The following LRP1B variants were observed in gnomAD, a reference collection of about 807,000 sequenced individuals.
The protein encoded by LRP1B is LDL receptor related protein 1B, also known as low-density lipoprotein receptor-related protein 1B.
A neutral mutation model predicts 556.6 loss-of-function variants in LRP1B; 217 were observed. The observed-to-expected ratio is 0.39, with a 90% CI of 0.35 to 0.44. The LOEUF is 0.44. Among genes scored for constraint, LRP1B ranks in the 20% least tolerant of loss-of-function variants. The pLI, the probability that LRP1B is intolerant of heterozygous loss-of-function variation, is 1.00. For missense variants in LRP1B, 5,053 were observed against 5,620.8 expected (o/e 0.90, Z 3.23); for synonymous variants, 2,047 against 1,865.8 (o/e 1.10, Z -2.50).
At position 141,359,750 on chromosome 2, in the gene LRP1B, C is replaced by T. The variant is rs1416301533; in HGVS notation, c.344-105109G>A. On this transcript the variant is annotated intron_variant, in intron 3 of 90. Coordinates refer to ENST00000389484, the MANE Select transcript of LRP1B (RefSeq NM_018557.3). ...CAGCCTGGGCTATAGAGTGAGAATT[C>T]GGCCCCCGCGCCCCGCCCCGCCCCG... Among the ~76,000 whole-genome samples the T allele has an allele frequency of 2.8e-5, 4 of 142,670 alleles. No homozygotes were observed. The East Asian group carries it at 6.0e-4, about 21-fold the overall frequency. The allele number at this position is 142,670 out of a possible 152,430, so 93.6% of individuals were successfully genotyped here.
chr2:140,523,671 T>C (rs567338075), intron 49 of LRP1B, among the ~76,000 whole-genome samples: 1 of 151,864 alleles, frequency 6.6e-6, no homozygotes, highest in Non-Finnish European at 1.5e-5. Flanking sequence ...ATAATCAAGT[T>C]TAGTGAAGAT....
chr2:140,609,715 A>G (rs1683000265), intron 41 of LRP1B, among the ~76,000 whole-genome samples: 1 of 152,168 alleles, frequency 6.6e-6, no homozygotes. Context: ...TTTATGCCAA[A>G]AACGTATGTT....
rs540226928 is a variant in LRP1B, at chr2:141,147,833, T to G, written c.1013+40588A>C. Among the ~76,000 whole-genome samples the G allele has an allele frequency of 7.2e-5, 11 of 152,338 alleles. No individual in the cohort carries two copies. In the East Asian group the frequency reaches 2.1e-3, roughly 29 times the overall value. ...AACTGCATACACAACAGTGGTCCCA[T>G]AAGTTTATAATACCGTATTTTTCCT... On this transcript the variant is annotated intron_variant, in intron 7 of 90. Transcript: ENST00000389484.
intron 21 of LRP1B, among the ~76,000 whole-genome samples, chr2:140,915,213 T>TA (rs1258031738): frequency 2.0e-5 from 3 of 152,046 alleles, no homozygotes; most frequent in African/African-American, 7.2e-5. Context: ...GAAAAGGTAA[T>TA]AAAATCAAAG....
At chr2:141,272,567 A>G (rs1255227921) in intron 3 of LRP1B, among the ~76,000 whole-genome samples, 1 of 152,210 alleles carries the variant, frequency 6.6e-6, no homozygotes, top group African/African-American at 2.4e-5. Context: ...TGCCATCTAC[A>G]AGAGACATAC....
At chr2:141,766,432 A>T (rs185032972) in intron 2 of LRP1B, among the ~76,000 whole-genome samples, 6 of 152,330 alleles carry the variant, frequency 3.9e-5, no homozygotes, top group Non-Finnish European at 2.9e-5. Flanking sequence ...ATCTTATTAC[A>T]GCTAATGTCC....
At chr2:141,553,685 T>C (rs1435587049) in intron 2 of LRP1B, among the ~76,000 whole-genome samples, 1 of 142,106 alleles carries the variant, frequency 7.0e-6, no homozygotes, top group East Asian at 2.0e-4. Flanking sequence ...ATATATATCA[T>C]ATAGAATATA....
chr2:140,599,450 T>C (rs1682568356), intron 42 of LRP1B, among the ~76,000 whole-genome samples: 1 of 152,094 alleles, frequency 6.6e-6, no homozygotes, highest in Admixed American at 6.6e-5. Flanking sequence ...TTCAGCATAG[T>C]ATCTGTTCTC....
At position 140,834,694 on chromosome 2, in the gene LRP1B, A is replaced by G. The variant is rs552869274; in HGVS notation, c.5209+5297T>C. On this transcript the variant is annotated intron_variant, in intron 31 of 90. Coordinates refer to ENST00000389484, the MANE Select transcript of LRP1B (RefSeq NM_018557.3). ...AACACTTGGAGGAGCCAGAACCAAC[A>G]GAGGAAAGAAGATGAAAATAAACTC... Among the ~76,000 whole-genome samples, 9 of 152,340 alleles carry G rather than the reference A, an allele frequency of 5.9e-5. No individual in the cohort carries two copies. In the East Asian group the frequency reaches 1.5e-3, roughly 26 times the overall value.
chr2:140,654,383 C>T (rs1307628668), intron 41 of LRP1B, among the ~76,000 whole-genome samples: 1 of 151,792 alleles, frequency 6.6e-6, no homozygotes, highest in East Asian at 1.9e-4. Context: ...AGAAATATCT[C>T]GGTATTTAGG....
rs527349861 is a variant in LRP1B at position 140,319,901 on chromosome 2, G to A, written c.12640+2062C>T. On this transcript the variant is annotated intron_variant, in intron 82 of 90. Coordinates refer to ENST00000389484, the MANE Select transcript of LRP1B (RefSeq NM_018557.3). The stretch of plus-strand genomic sequence containing the variant: ...TTCAATAATTGGCACCAAAATGCCC[G>A]TCCAAAATACCAATCATGATTCACA... 1.8e-4 allele frequency among the ~76,000 whole-genome samples: 28 copies of A among 152,146 alleles called. 1 individual carries two copies. Among genetic ancestry groups the A allele is most frequent in the East Asian group, 9.7e-4 (5 of 5,170 alleles).
At position 141,349,858 on chromosome 2, in the gene LRP1B, C is replaced by T. The variant is rs191887597; in HGVS notation, c.344-95217G>A. Among the ~76,000 whole-genome samples the T allele has an allele frequency of 3.9e-5, 6 of 151,948 alleles. No individual in the cohort carries two copies. The East Asian group carries it at 1.2e-3, about 29-fold the overall frequency. ...ATCAAAGAGTATAATAGTCAAGATA[C>T]AGGAAATATAATGGTTGTTGTATTA... On this transcript the variant is annotated intron_variant, in intron 3 of 90. Coordinates refer to ENST00000389484, the MANE Select transcript of LRP1B (RefSeq NM_018557.3).
chr2:141,649,292 G>A (rs1558779943), intron 2 of LRP1B, among the ~76,000 whole-genome samples: 2 of 152,158 alleles, frequency 1.3e-5, no homozygotes, highest in African/African-American at 2.4e-5. Context: ...AGCAGCAGAA[G>A]GCATCATGGT....
chr2:141,906,654 T>C (rs1699768853), intron 1 of LRP1B, among the ~76,000 whole-genome samples: 1 of 152,040 alleles, frequency 6.6e-6, no homozygotes. Context: ...TAACATCACA[T>C]AAACAGCAAA....
chr2:141,730,141 A>G (rs991580568), intron 2 of LRP1B, among the ~76,000 whole-genome samples: 2 of 152,160 alleles, frequency 1.3e-5, no homozygotes, highest in Admixed American at 1.3e-4. Context: ...TGGCTTAGCC[A>G]GTTTTGGCTT....
At chr2:142,113,813 T>C (rs748889919) in intron 1 of LRP1B, among the ~76,000 whole-genome samples, 2 of 152,134 alleles carry the variant, frequency 1.3e-5, no homozygotes, top group Admixed American at 1.3e-4. Context: ...TGATAATTAC[T>C]AGAGCCTCTT....
rs115714486 is a variant in LRP1B at position 141,049,287 on chromosome 2, G to A, written c.1553-65C>T. 8.0e-4 allele frequency: 824 copies of A among 1,033,016 alleles called. 6 individuals are homozygous for A. In the African/African-American group the frequency reaches 0.011, roughly 14 times the overall value. The allele number at this position is 1,033,016 out of a possible 1,614,324, so 64.0% of individuals were successfully genotyped here. ...CTTAATCTTCTTTACACTGCATAAT[G>A]CCACCGTTTAACTGGCACAATTAGC... On this transcript the variant is annotated intron_variant, in intron 10 of 90. Coordinates refer to ENST00000389484, the MANE Select transcript of LRP1B (RefSeq NM_018557.3).
At chr2:141,726,121 T>C (rs1018927527) in intron 2 of LRP1B, among the ~76,000 whole-genome samples, 4 of 151,404 alleles carry the variant, frequency 2.6e-5, no homozygotes, top group Non-Finnish European at 5.9e-5. Context: ...CAATAGAATA[T>C]TATATAGGCA....
intron 32 of LRP1B, among the ~76,000 whole-genome samples, chr2:140,796,095 A>G (rs975362635): frequency 1.3e-5 from 2 of 152,014 alleles, no homozygotes; most frequent in Non-Finnish European, 2.9e-5. Context: ...TTCTATGTAC[A>G]TACACACATT....
Sources: allele counts gnomAD v4.1 joint callset (sites outside exome capture counted in the v4.1 genomes callset), GRCh38; gene constraint gnomAD v4.1.1; transcripts MANE v1.5; gene names NCBI Gene and HGNC (gene_info 2026-07-23, HGNC 2026-07-21).